The following ALG5 variants were observed in gnomAD, a reference collection of about 807,000 sequenced individuals.
The protein encoded by ALG5 is ALG5 dolichyl-phosphate beta-glucosyltransferase.
A neutral mutation model predicts 51.8 loss-of-function variants in ALG5; 26 were observed. That is an observed-to-expected ratio of 0.50 (90% CI 0.37 to 0.70). The LOEUF is 0.70. Ranked by LOEUF, ALG5 falls within the 30% of genes least tolerant of loss-of-function variation. The probability of loss-of-function intolerance (pLI) is 0.00; values close to 1 mark genes in which losing one functional copy is unlikely to be tolerated. For missense variants in ALG5, 311 were observed against 399.3 expected (o/e 0.78, Z 1.88); for synonymous variants, 141 against 136.1 (o/e 1.04, Z -0.25).
rs1288360790 is a variant in ALG5, at chr13:36,968,000, A to G, written c.622-2274T>C. 5.1e-5 allele frequency: 12 copies of G among 235,468 alleles called. No homozygotes were observed. The East Asian group carries it at 1.2e-3, about 23-fold the overall frequency. 14.6% of individuals were successfully genotyped at this position (235,468 alleles called of 1,614,324 possible). On this transcript the variant is annotated intron_variant, in intron 7 of 9. Transcript: ENST00000239891. ...CAGGATTTTTGTTTGCTTTAGGATA[A>G]TGGCTATTTTTTAAAAAGCAGAAAA...
intron 6 of ALG5, among the ~76,000 whole-genome samples, chr13:36,977,759 T>A (rs2058958795): frequency 9.3e-6 from 1 of 107,858 alleles, no homozygotes; most frequent in Non-Finnish European, 1.7e-5. Context: ...GCTACTGCAC[T>A]CTAGCCTGGG....
chr13:36,994,936 G>T, intron 3 of ALG5, 53 bp downstream of exon 3: 2 of 1,521,196 alleles, frequency 1.3e-6, no homozygotes, highest in South Asian at 2.3e-5. Flanking sequence ...CACAATTGGT[G>T]ACCTGGTCTA....
intron 6 of ALG5, among the ~76,000 whole-genome samples, chr13:36,974,050 A>G (rs946921265): frequency 6.6e-6 from 1 of 152,234 alleles, no homozygotes. Context: ...TATTTGAAGT[A>G]GCAAACCTGC....
At chr13:36,993,460 G>GT (rs1361746846) in intron 4 of ALG5, 144 bp downstream of exon 4, 10 of 668,564 alleles carry the variant, frequency 1.5e-5, no homozygotes, top group Non-Finnish European at 2.0e-5. Context: ...AATGAAATCT[G>GT]TTTTTTCTGC....
intron 6 of ALG5, among the ~76,000 whole-genome samples, chr13:36,979,478 TCA>T (rs2058969052): frequency 6.6e-6 from 1 of 152,200 alleles, no homozygotes; most frequent in South Asian, 2.1e-4. Flanking sequence ...GGACTAACTG[TCA>T]CATTCTTTTA....
At chr13:36,968,506 A>T (rs79260492) in intron 7 of ALG5, among the ~76,000 whole-genome samples, 13,248 of 152,264 alleles carry the variant, frequency 0.087, 719 homozygotes, top group South Asian at 0.14. Flanking sequence ...GACCATATAT[A>T]AACATTACCG....
In ALG5 at chr13:36,993,650, T is replaced by A; in HGVS notation, c.308A>T (p.Tyr103Phe). Reference sequence around the variant, plus strand: ...GCCATCATCAACTACTATCACTTCATAAGTGAACGCAGGATCTCGTTTCTG... The same window carrying A: ...GCCATCATCAACTACTATCACTTCAAAAGTGAACGCAGGATCTCGTTTCTG... ...KRQKRDPAFT[Y>F]EVIVVDDGSK... Residue 103 changes from tyrosine to phenylalanine, a missense_variant, in exon 4 of 10, where the codon TAT (tyrosine) becomes TTT (phenylalanine). Physicochemically the swap from Tyr to Phe is conservative, Grantham distance 22. Transcript: ENST00000239891. 4 of 1,613,542 alleles carry A rather than the reference T, an allele frequency of 2.5e-6. No homozygotes were observed. The highest frequency in any genetic ancestry group is 3.4e-6 in the Non-Finnish European group (4 of 1,179,804).
intron 6 of ALG5, among the ~76,000 whole-genome samples, chr13:36,984,910 C>G (rs975309211): frequency 1.3e-5 from 2 of 152,052 alleles, no homozygotes; most frequent in Non-Finnish European, 2.9e-5. Flanking sequence ...GCTTACAGTC[C>G]TGAAAAATGG....
chr13:36,986,309 T>C (rs1479031603), intron 5 of ALG5, among the ~76,000 whole-genome samples: 4 of 152,204 alleles, frequency 2.6e-5, no homozygotes, highest in Admixed American at 2.6e-4. Flanking sequence ...ATTTGCGGTA[T>C]TTGAAACAGC....
chr13:36,977,865 C>T (rs1288430203), intron 6 of ALG5, among the ~76,000 whole-genome samples: 1 of 131,112 alleles, frequency 7.6e-6, no homozygotes, highest in Non-Finnish European at 1.6e-5. Flanking sequence ...GCAAGAAATG[C>T]TAAATCAATC....
intron 6 of ALG5, among the ~76,000 whole-genome samples, chr13:36,973,720 A>C (rs1008369471): frequency 6.6e-6 from 1 of 152,252 alleles, no homozygotes; most frequent in African/African-American, 2.4e-5. Context: ...AAAAAGCATA[A>C]AGTGCATTTA....
intron 6 of ALG5, 51 bp downstream of exon 6, chr13:36,985,576 C>T (rs1165453310): frequency 1.4e-6 from 2 of 1,424,068 alleles, no homozygotes; most frequent in Non-Finnish European, 1.9e-6. Context: ...TTTACTTTAG[C>T]TCTCCTGCAT....
At chr13:36,951,073 GT>G (rs1358510057) in intron 9 of ALG5, among the ~76,000 whole-genome samples, 1 of 152,084 alleles carries the variant, frequency 6.6e-6, no homozygotes, top group African/African-American at 2.4e-5. Flanking sequence ...AGACATTATC[GT>G]TTATCAGGGC....
At chr13:36,962,711 A>T (rs1226734058) in intron 8 of ALG5, among the ~76,000 whole-genome samples, 2 of 152,172 alleles carry the variant, frequency 1.3e-5, no homozygotes, top group African/African-American at 4.8e-5. Context: ...AAAAAAGAAA[A>T]AAACCCCATT....
In ALG5 at chr13:36,965,627, A is replaced by C; in HGVS notation, c.721T>G (p.Phe241Val). Residue 241 changes from phenylalanine to valine, a missense_variant, in exon 8 of 10, where the codon TTT becomes GTT. Transcript: ENST00000239891. ...IRDTQCGFKL[F>V]TREAASRTFS... ...GTCCGTGAAGCTGCTTCTCGAGTAA[A>C]TAATTTGAACCCACACTGTGTGTCC... 6.2e-7 allele frequency: 1 copy of C among 1,614,118 alleles called. No homozygotes were observed. The highest frequency in any genetic ancestry group is 8.5e-7 in the Non-Finnish European group (1 of 1,179,996).
intron 1 of ALG5, 107 bp from the exon 2 acceptor site, chr13:36,995,703 A>T (rs945486794): frequency 1.9e-6 from 2 of 1,078,944 alleles, no homozygotes; most frequent in Non-Finnish European, 2.7e-6. Context: ...TTGAATACTC[A>T]CTCTCAGGTT....
At chr13:36,979,469 G>C (rs1295129268) in intron 6 of ALG5, among the ~76,000 whole-genome samples, 3 of 152,122 alleles carry the variant, frequency 2.0e-5, no homozygotes, top group African/African-American at 7.2e-5. Flanking sequence ...AAGGGAGAAG[G>C]ACTAACTGTC....
At chr13:36,990,570 T>G (rs141893198) in intron 4 of ALG5, among the ~76,000 whole-genome samples, 1 of 149,472 alleles carries the variant, frequency 6.7e-6, no homozygotes, top group Non-Finnish European at 1.5e-5. Context: ...AGTCACTGCA[T>G]GGGCTTAATT....
At position 36,997,466 on chromosome 13, in the gene ALG5, CAAAAAAAAAAAAAA is replaced by C. The variant is rs57878611; in HGVS notation, c.66+1755_66+1768del. Among the ~76,000 whole-genome samples, 3 of 78,130 alleles carry C rather than the reference CAAAAAAAAAAAAAA, an allele frequency of 3.8e-5. No homozygotes were observed. The East Asian group carries it at 1.2e-3, about 32-fold the overall frequency. 51.3% of individuals were successfully genotyped at this position (78,130 alleles called of 152,430 possible). A position where few individuals can be genotyped will look rare whatever the true frequency, so the allele number is the denominator to read the frequency against. ...GGGTGACAAGAGCCAGACTCCGTCT[CAAAAAAAAAAAAAA>C]AAAAAAAAGACAAGGAAAAGAAAAA... On this transcript the variant is annotated intron_variant, in intron 1 of 9. Coordinates refer to ENST00000239891, the MANE Select transcript of ALG5 (RefSeq NM_013338.5).
Sources: allele counts gnomAD v4.1 joint callset (sites outside exome capture counted in the v4.1 genomes callset), GRCh38; gene constraint gnomAD v4.1.1; transcripts MANE v1.5; gene names NCBI Gene and HGNC (gene_info 2026-07-23, HGNC 2026-07-21).